Variants in CAPN14 observed in about 807,000 individuals in gnomAD.
CAPN14 encodes calpain 14.
A neutral mutation model predicts 101.3 loss-of-function variants in CAPN14; 94 were observed. The ratio of observed to expected loss-of-function variants is 0.93; its 90% CI spans 0.79 to 1.10. The LOEUF (loss-of-function observed/expected upper bound fraction) is 1.10, where lower values mean the gene tolerates loss of function less well. CAPN14 is among the 50% of genes least tolerant of loss of function. The pLI, the probability that CAPN14 is intolerant of heterozygous loss-of-function variation, is 0.00. For missense variants in CAPN14, 837 were observed against 828.4 expected (o/e 1.01, Z -0.13); for synonymous variants, 338 against 317.9 (o/e 1.06, Z -0.67).
chr2:31,202,191 C>A lies in CAPN14; in HGVS notation c.357G>T (p.Arg119=), dbSNP rs370162438. 3.2e-6 allele frequency: 5 copies of A among 1,551,812 alleles called. No individual in the cohort carries two copies. The highest frequency in any genetic ancestry group is 2.4e-5 in the East Asian group (1 of 40,930). ...TGAAACTCTGATTCAGGGGAACAAC[C>A]CGGCTCAGGATGTCCTGGTGCAAGG... ...ALALHQDILS[R]VVPLNQSFTE... is the part of the protein sequence containing the mutation. Residue 119 remains arginine, a synonymous_variant, in exon 4 of 22, where the codon CGG becomes CGT. Coordinates refer to ENST00000403897, the MANE Select transcript of CAPN14 (RefSeq NM_001145122.2).
intron 1 of CAPN14, among the ~76,000 whole-genome samples, chr2:31,233,009 T>C (rs1159043703): frequency 1.3e-5 from 2 of 152,208 alleles, no homozygotes; most frequent in Non-Finnish European, 2.9e-5. Flanking sequence ...TTATTGGGTT[T>C]AAATTCTCTA....
upstream of CAPN14, among the ~76,000 whole-genome samples, chr2:31,218,716 G>A (rs1036481880): frequency 1.3e-5 from 2 of 152,192 alleles, no homozygotes; most frequent in Admixed American, 1.3e-4. Flanking sequence ...ACTCGCCCAA[G>A]ATAACCGCAG....
chr2:31,203,023 G>C, intron 3 of CAPN14, 47 bp downstream of exon 3: 1 of 1,486,946 alleles, frequency 6.7e-7, no homozygotes, highest in Non-Finnish European at 9.2e-7. Flanking sequence ...GCCAGGCCTG[G>C]TCAGCAGGCA....
At chr2:31,202,698 T>C (rs1476181010) in intron 3 of CAPN14, among the ~76,000 whole-genome samples, 1 of 152,020 alleles carries the variant, frequency 6.6e-6, no homozygotes, top group African/African-American at 2.4e-5. Context: ...AAAGGTAGAG[T>C]TGAGGATAGA....
chr2:31,176,424 G>GTGAATGAA (rs142199034), intron 21 of CAPN14, among the ~76,000 whole-genome samples, 163 bp downstream of exon 21: 1 of 152,094 alleles, frequency 6.6e-6, no homozygotes, highest in Non-Finnish European at 1.5e-5. Flanking sequence ...TATTTGATGG[G>GTGAATGAA]TGAATGAATG....
In CAPN14 at chr2:31,181,106, G is replaced by A. The variant is rs1680572154; in HGVS notation, c.1646-106C>T. 4.9e-6 allele frequency: 4 copies of A among 811,406 alleles called. No individual in the cohort carries two copies. The Admixed American group carries it at 6.7e-5, about 14-fold the overall frequency. 50.3% of individuals were successfully genotyped at this position (811,406 alleles called of 1,614,324 possible). A position where few individuals can be genotyped will look rare whatever the true frequency, so the allele number is the denominator to read the frequency against. ...GCATGGGCCAGCTGATGACCACCAT[G>A]TATGTACGTGGGCTGGGAAGAGTGA... On this transcript the variant is annotated intron_variant, in intron 16 of 21. Transcript: ENST00000403897.
intron 8 of CAPN14, among the ~76,000 whole-genome samples, chr2:31,196,950 T>C (rs1168509940): frequency 6.6e-6 from 1 of 152,230 alleles, no homozygotes; most frequent in Non-Finnish European, 1.5e-5. Context: ...GGGATAAAAC[T>C]ATCTACTTTG....
intron 1 of CAPN14, among the ~76,000 whole-genome samples, chr2:31,210,550 TTA>T (rs1682345747): frequency 6.6e-6 from 1 of 152,228 alleles, no homozygotes; most frequent in Non-Finnish European, 1.5e-5. Flanking sequence ...GTCAGGAGAA[TTA>T]GTTTTCACTT....
intron 5 of CAPN14, among the ~76,000 whole-genome samples, chr2:31,201,419 G>A (rs1032773254): frequency 3.3e-5 from 5 of 152,164 alleles, no homozygotes; most frequent in Non-Finnish European, 7.4e-5. Context: ...TGGATCCCCT[G>A]CTGCTACTCC....
chr2:31,223,029 G>A (rs1333263059), intron 2 of CAPN14, among the ~76,000 whole-genome samples: 1 of 152,238 alleles, frequency 6.6e-6, no homozygotes, highest in Non-Finnish European at 1.5e-5. Flanking sequence ...CAACCTGGAA[G>A]AAGACTTTCA....
intron 12 of CAPN14, among the ~76,000 whole-genome samples, chr2:31,190,212 T>C (rs941804259): frequency 6.6e-6 from 1 of 150,796 alleles, no homozygotes; most frequent in Non-Finnish European, 1.5e-5. Flanking sequence ...CTCTCTTGCT[T>C]ACTCTCCCCT....
chr2:31,205,586 T>C, intron 1 of CAPN14, 87 bp from the exon 2 acceptor site: 1 of 728,780 alleles, frequency 1.4e-6, no homozygotes. Flanking sequence ...ATGGAGAGAA[T>C]GGGAGCGGAG....
chr2:31,200,759 A>G (rs566965957), intron 5 of CAPN14, 134 bp from the exon 6 acceptor site: 844 of 787,130 alleles, frequency 1.1e-3, no homozygotes, highest in Non-Finnish European at 1.3e-3. Context: ...CAACCCTGAC[A>G]TAGTTTCCAA....
rs746371988 is a variant in CAPN14, at chr2:31,205,298, C to T, written c.150G>A (p.Pro50=). The T allele has an allele frequency of 5.2e-6, 8 of 1,550,298 alleles. 1 individual carries two copies. The highest frequency in any genetic ancestry group is 4.1e-5 in the African/African-American group (3 of 72,950). The part of the protein sequence containing the change: ...NGCLFEDTSF[P]ATLSSIGSGS... ...CACTGCCGATGGAGCTCAGGGTGGC[C>T]GGGAAGCTGGTGTCTTCAAAGAGGC... Residue 50 remains proline (P), a synonymous_variant, in exon 2 of 22, where the codon CCG becomes CCA. Transcript: ENST00000403897.
intron 1 of CAPN14, among the ~76,000 whole-genome samples, chr2:31,229,050 A>C (rs1207932519): frequency 6.6e-6 from 1 of 152,256 alleles, no homozygotes; most frequent in Non-Finnish European, 1.5e-5. Context: ...TACATGCAGC[A>C]GGATATGCTT....
At position 31,201,950 on chromosome 2, in the gene CAPN14, G is replaced by GCAGA; in HGVS notation, c.459_462dup (p.Pro155SerfsTer5). 6.4e-7 allele frequency: 1 copy of GCAGA among 1,551,732 alleles called. No individual in the cohort carries two copies. The highest frequency in any genetic ancestry group is 1.2e-5 in the South Asian group (1 of 84,066). On this transcript the variant is annotated frameshift_variant, in exon 5 of 22. Transcript: ENST00000403897. LOFTEE classifies it high-confidence loss of function. Reference sequence around the variant, plus strand: ...ACCAGCTGGCCAGCCTCATTCACAGGCAGACGGTCATCGATCACCACAGGA... The same window carrying GCAGA: ...ACCAGCTGGCCAGCCTCATTCACAGGCAGACAGACGGTCATCGATCACCACAGGA...
At chr2:31,216,444 T>C (rs982652648) in intron 1 of CAPN14, among the ~76,000 whole-genome samples, 4 of 152,086 alleles carry the variant, frequency 2.6e-5, no homozygotes, top group Non-Finnish European at 5.9e-5. Context: ...TTGCCCTAGA[T>C]GGTAGGGGTA....
At chr2:31,202,095 A>G (rs1681820527) in intron 4 of CAPN14, 39 bp downstream of exon 4, 2 of 1,549,878 alleles carry the variant, frequency 1.3e-6, no homozygotes, top group Admixed American at 3.9e-5. Context: ...CCTTTTTCCT[A>G]TGACTCCCTC....
chr2:31,216,691 C>A (rs192425951), intron 1 of CAPN14, among the ~76,000 whole-genome samples: 1 of 152,192 alleles, frequency 6.6e-6, no homozygotes, highest in East Asian at 1.9e-4. Flanking sequence ...ACATTGTCAC[C>A]CTGTGCCTCC....
Sources: gnomAD v4.1 joint callset for allele counts (sites outside exome capture counted in the v4.1 genomes callset) on GRCh38, gnomAD v4.1.1 for gene constraint, MANE v1.5 for transcripts, NCBI Gene and HGNC (gene_info 2026-07-23, HGNC 2026-07-21) for gene names.